The following DIAPH2 variants were observed in gnomAD, a reference collection of about 807,000 sequenced individuals.
DIAPH2 encodes the protein diaphanous related formin 2.
In DIAPH2, 35 loss-of-function variants were observed where a neutral mutation model predicts 92.7. The ratio of observed to expected loss-of-function variants is 0.38; its 90% CI spans 0.29 to 0.50. The LOEUF (loss-of-function observed/expected upper bound fraction) is 0.50. DIAPH2 is among the 20% of genes least tolerant of loss of function. The pLI is 0.94. For missense variants in DIAPH2, 701 were observed against 819.5 expected (o/e 0.86, Z 1.77); for synonymous variants, 301 against 280.4 (o/e 1.07, Z -0.73).
chrX:97,238,685 C>G (rs1474839880), intron 22 of DIAPH2, among the ~76,000 whole-genome samples: 1 of 110,092 alleles, frequency 9.1e-6, no homozygotes, highest in African/African-American at 3.3e-5. Context: ...CAAAGAAGCT[C>G]ACAGTGATGA....
chrX:97,153,648 T>G (rs1004437397), intron 22 of DIAPH2, among the ~76,000 whole-genome samples: 1 of 111,750 alleles, frequency 8.9e-6, no homozygotes, highest in Admixed American at 9.5e-5. Context: ...AATATAAAGC[T>G]TTCTGAAATG....
At chrX:97,095,134 T>C (rs1476182027) in intron 19 of DIAPH2, among the ~76,000 whole-genome samples, 1 of 74,682 alleles carries the variant, frequency 1.3e-5, no homozygotes, top group South Asian at 7.7e-4. Flanking sequence ...TTTTTTTTTT[T>C]GAGATGGAGT....
chrX:97,267,353 A>G (rs1168487323), intron 23 of DIAPH2, among the ~76,000 whole-genome samples: 1 of 111,814 alleles, frequency 8.9e-6, no homozygotes, highest in Non-Finnish European at 1.9e-5. Context: ...TTTTTGCATA[A>G]TATTTTAATC....
At chrX:97,105,387 G>A (rs149811748) in intron 20 of DIAPH2, among the ~76,000 whole-genome samples, 11 of 111,489 alleles carry the variant, frequency 9.9e-5, no homozygotes, top group African/African-American at 2.6e-4. Flanking sequence ...GGACATGCTC[G>A]CTCCCACATA....
chrX:96,973,373 C>G (rs765609687), intron 17 of DIAPH2, among the ~76,000 whole-genome samples: 6 of 110,866 alleles, frequency 5.4e-5, no homozygotes, highest in Non-Finnish European at 1.1e-4. Context: ...TGATATGCAC[C>G]TGGAGTCCCA....
intron 26 of DIAPH2, among the ~76,000 whole-genome samples, chrX:97,461,697 A>T (rs2070459941): frequency 9.0e-6 from 1 of 111,515 alleles, no homozygotes; most frequent in East Asian, 2.8e-4. Flanking sequence ...GACAGGCTAA[A>T]CCAAAACTCA....
At chrX:96,755,380 G>A (rs1000811075) in intron 3 of DIAPH2, among the ~76,000 whole-genome samples, 3 of 111,611 alleles carry the variant, frequency 2.7e-5, no homozygotes, top group Non-Finnish European at 3.8e-5. Context: ...GATGCCAGGC[G>A]TGGTGGCTCA....
intron 4 of DIAPH2, among the ~76,000 whole-genome samples, chrX:96,825,706 T>A (rs1415327096): frequency 8.9e-6 from 1 of 111,823 alleles, no homozygotes; most frequent in African/African-American, 3.2e-5. Flanking sequence ...TATTACCTAC[T>A]CTAGTCACTC....
At chrX:97,374,712 CA>C (rs1160414993) in intron 24 of DIAPH2, among the ~76,000 whole-genome samples, 2 of 112,092 alleles carry the variant, frequency 1.8e-5, no homozygotes, top group African/African-American at 6.5e-5. Flanking sequence ...CCTTTAAACA[CA>C]GTGAAACTAT....
intron 17 of DIAPH2, 75 bp downstream of exon 17, chrX:96,965,282 G>C (rs2065887597): frequency 4.1e-6 from 3 of 740,034 alleles, no homozygotes; most frequent in South Asian, 3.1e-5. Context: ...AAAATTTCTA[G>C]TAATGGGTAT....
intron 26 of DIAPH2, among the ~76,000 whole-genome samples, chrX:97,503,844 A>C (rs773642278): frequency 1.3e-3 from 147 of 112,354 alleles, no homozygotes; most frequent in African/African-American, 4.4e-3. Flanking sequence ...ATCCAAAAAC[A>C]ATTCTTTTTA....
In DIAPH2 at chrX:97,502,378, C is replaced by G. The variant is rs139135411; in HGVS notation, c.3241+72633C>G. Among the ~76,000 whole-genome samples the G allele has an allele frequency of 2.9e-3, 320 of 112,002 alleles. 1 individual carries two copies. Among genetic ancestry groups the G allele is most frequent in the African/African-American group, 8.4e-3 (260 of 30,897 alleles). ...AATATATTGATGAACCCTTGGAGAA[C>G]CAATTATGTTGTTTCACATGAATTA... is the stretch of plus-strand genomic sequence containing the variant. On this transcript the variant is annotated intron_variant, in intron 26 of 26. Coordinates refer to ENST00000324765, the MANE Select transcript of DIAPH2 (RefSeq NM_006729.5).
At chrX:97,538,078 G>T (rs927617902) in intron 26 of DIAPH2, among the ~76,000 whole-genome samples, 53 of 109,378 alleles carry the variant, frequency 4.8e-4, no homozygotes, top group African/African-American at 1.7e-3. Flanking sequence ...TAGAGACGGG[G>T]TTTCACCATG....
At chrX:97,440,612 AAAAG>A (rs1443891135) in intron 26 of DIAPH2, among the ~76,000 whole-genome samples, 30 of 108,823 alleles carry the variant, frequency 2.8e-4, no homozygotes, top group East Asian at 1.7e-3. Context: ...AAAAAAAAAA[AAAAG>A]AAAGAGAGAG....
intron 26 of DIAPH2, among the ~76,000 whole-genome samples, chrX:97,539,278 A>G (rs1452153331): frequency 9.0e-6 from 1 of 111,451 alleles, no homozygotes; most frequent in Non-Finnish European, 1.9e-5. Context: ...TCAGATTTTC[A>G]ATTATGATTA....
At chrX:97,132,892 C>T (rs1433117474) in intron 21 of DIAPH2, among the ~76,000 whole-genome samples, 1 of 110,462 alleles carries the variant, frequency 9.1e-6, no homozygotes, top group East Asian at 2.8e-4. Context: ...GGAATGTTTC[C>T]TTGACACAGA....
intron 19 of DIAPH2, among the ~76,000 whole-genome samples, chrX:97,094,130 G>T (rs765835955): frequency 4.5e-5 from 5 of 111,401 alleles, no homozygotes; most frequent in Non-Finnish European, 9.4e-5. Context: ...CTTTAGATTT[G>T]TTCAGTTTGA....
At chrX:96,928,482 A>C (rs1034538878) in intron 9 of DIAPH2, among the ~76,000 whole-genome samples, 3 of 111,187 alleles carry the variant, frequency 2.7e-5, no homozygotes, top group Admixed American at 9.6e-5. Context: ...TTTGAATTTG[A>C]GATATCGTTT....
chrX:97,487,778 A>ATT (rs58507297), intron 26 of DIAPH2, among the ~76,000 whole-genome samples: 150 of 105,772 alleles, frequency 1.4e-3, no homozygotes, highest in Middle Eastern at 4.8e-3. Flanking sequence ...TGCCTTTTAC[A>ATT]TTTTTTTTTT....
Sources: gnomAD v4.1 joint callset for allele counts (sites outside exome capture counted in the v4.1 genomes callset) on GRCh38, gnomAD v4.1.1 for gene constraint, MANE v1.5 for transcripts, NCBI Gene and HGNC (gene_info 2026-07-23, HGNC 2026-07-21) for gene names.